The following LAD1 variants were observed in gnomAD, a reference collection of about 807,000 sequenced individuals.
LAD1 encodes ladinin 1, also known as ladinin-1.
A neutral mutation model predicts 54.2 loss-of-function variants in LAD1; 53 were observed. The observed-to-expected ratio is 0.98, with a 90% CI of 0.78 to 1.23. The LOEUF is 1.23. Among genes scored for constraint, LAD1 ranks in the 50% most tolerant of loss-of-function variants. The probability of loss-of-function intolerance (pLI) is 0.00; values close to 1 mark genes in which losing one functional copy is unlikely to be tolerated. For synonymous variants in LAD1, 231 were observed against 257.7 expected (o/e 0.90, Z 0.99); for missense variants, 637 against 653.3 (o/e 0.98, Z 0.27).
At chr1:201,383,474 ATC>A (rs1662010757) in intron 5 of LAD1, 85 bp from the exon 6 acceptor site, 2 of 1,228,202 alleles carry the variant, frequency 1.6e-6, no homozygotes, top group East Asian at 4.6e-5. Context: ...GAGCAGCCCC[ATC>A]ACACGTTCTC....
chr1:201,387,066 G>A lies in LAD1; in HGVS notation c.295C>T (p.Arg99Trp), dbSNP rs781678996. ...GCCTGTGCAGCCTCCACCACCTGCC[G>A]CCTCTGCCTCCGCTCCTGCCGTGTT... is the stretch of plus-strand genomic sequence containing the variant. ...LRTRQERRQR[R>W]QVVEAAQAPI... Residue 99 changes from arginine (R) to tryptophan (W), a missense_variant, in exon 3 of 10, where the codon CGG becomes TGG. Arg to Trp is a moderately radical substitution (Grantham distance 101). Transcript: ENST00000391967. 66 of 1,611,566 alleles carry A rather than the reference G, an allele frequency of 4.1e-5. No homozygotes were observed. Among genetic ancestry groups the A allele is most frequent in the South Asian group, 8.8e-5 (8 of 90,606 alleles).
At position 201,391,288 on chromosome 1, in the gene LAD1, T is replaced by TGGGGC; in HGVS notation, c.39-1990_39-1986dup. ...TCCTGCCCCAGTCACCCTTCATTCA[T>TGGGGC]GGGGCCAAGCAGGCATTCTACAGCC... On this transcript the variant is annotated intron_variant, in intron 1 of 9. Transcript: ENST00000391967. The TGGGGC allele has an allele frequency of 2.3e-5, 9 of 389,190 alleles. 1 individual carries two copies. The highest frequency in any genetic ancestry group is 1.7e-4 in the South Asian group (9 of 52,612). 24.1% of individuals were successfully genotyped at this position (389,190 alleles called of 1,614,324 possible). A position where few individuals can be genotyped will look rare whatever the true frequency, so the allele number is the denominator to read the frequency against.
chr1:201,396,747 T>C (rs1052446793), intron 1 of LAD1, among the ~76,000 whole-genome samples: 3 of 152,158 alleles, frequency 2.0e-5, no homozygotes, highest in African/African-American at 4.8e-5. Context: ...CTCCTGCACC[T>C]GAGCAGGGCA....
intron 9 of LAD1, 47 bp downstream of exon 9, chr1:201,382,205 A>G: frequency 1.4e-6 from 2 of 1,467,684 alleles, no homozygotes; most frequent in Non-Finnish European, 1.9e-6. Flanking sequence ...CTCCCACAGT[A>G]CACCGTGGCC....
chr1:201,384,795 C>CGA lies in LAD1; in HGVS notation c.1170_1171dup (p.Arg391LeufsTer6). The CGA allele has an allele frequency of 6.2e-7, 1 of 1,614,078 alleles. No homozygotes were observed. The highest frequency in any genetic ancestry group is 8.5e-7 in the Non-Finnish European group (1 of 1,180,004). On this transcript the variant is annotated frameshift_variant, in exon 5 of 10. Transcript: ENST00000391967. LOFTEE classifies it high-confidence loss of function. ...CCAGAGCCTCCAGGCCCCCCACCTG[C>CGA]GAGTTAGGGTTGTTTCCGAGTTTTC...
At position 201,389,315 on chromosome 1, in the gene LAD1, G is replaced by A. The variant is rs1029674052; in HGVS notation, c.39-12C>T. ...TCTGCCGGGCAAGGCTGGGGGAGGG[G>A]AGGAGAGGGTCAGCACAGCTGGGGA... On this transcript the variant is annotated splice_polypyrimidine_tract_variant and intron_variant, in intron 1 of 9. Transcript: ENST00000391967. The A allele has an allele frequency of 1.2e-6, 2 of 1,609,008 alleles. No homozygotes were observed. The highest frequency in any genetic ancestry group is 2.7e-5 in the African/African-American group (2 of 74,890).
At chr1:201,382,437 G>C in intron 8 of LAD1, 111 bp from the exon 9 acceptor site, 2 of 952,742 alleles carry the variant, frequency 2.1e-6, no homozygotes, top group Non-Finnish European at 3.3e-6. Context: ...TCCCAAAAGA[G>C]AAAAGGAACC....
At chr1:201,391,341 T>A (rs181104503) in intron 1 of LAD1, 3 of 359,060 alleles carry the variant, frequency 8.4e-6, no homozygotes, top group African/African-American at 6.4e-5. Flanking sequence ...AGTCTATCCA[T>A]CTACTACTCG....
Position 201,389,248 on chromosome 1 carries a change from G to T in LAD1, c.94C>A (p.Arg32=). The T allele has an allele frequency of 6.2e-7, 1 of 1,614,056 alleles. No individual in the cohort carries two copies. The change falls in exon 2 of 10, where the codon CGG becomes AGG. Residue 32 remains arginine, a synonymous_variant. Transcript: ENST00000391967. ...GTGGAGCTCAGGTTGCGGTGCCGCC[G>T]CCTGCGCTCGCGCTCCTGTTCCTCC... is the stretch of plus-strand genomic sequence containing the variant. ...DEEEQERERR[R]RHRNLSSTTD...
intron 2 of LAD1, among the ~76,000 whole-genome samples, chr1:201,388,615 G>A (rs553620002): frequency 6.4e-4 from 97 of 151,796 alleles, no homozygotes; most frequent in Non-Finnish European, 1.1e-3. Context: ...CCTAGGAGGC[G>A]GAGCTTGCAG....
rs376916471 is a variant in LAD1 at position 201,389,291 on chromosome 1, C to T, written c.51G>A (p.Gln17=). ...DWSALSSLAR[Q]RTLEDEEEQE... Reference sequence around the variant, plus strand: ...GTTCCTCCTCATCCTCCAGAGTCCTCTGCCGGGCAAGGCTGGGGGAGGGGA... The same window carrying T: ...GTTCCTCCTCATCCTCCAGAGTCCTTTGCCGGGCAAGGCTGGGGGAGGGGA... The change falls in exon 2 of 10, where the codon CAG becomes CAA. Residue 17 remains glutamine (Q), a synonymous_variant. Transcript: ENST00000391967. 3 of 1,612,890 alleles carry T rather than the reference C, an allele frequency of 1.9e-6. No homozygotes were observed. In the African/African-American group the frequency reaches 4.0e-5, roughly 22 times the overall value.
rs1278813361 is a variant in LAD1, at chr1:201,381,468, G to A, written c.*420C>T. On this transcript the variant is annotated 3_prime_UTR_variant, in exon 10 of 10. Transcript: ENST00000391967. Reference sequence around the variant, plus strand: ...GGGTGGGTCCAGGCCTCAGAGAAGGGGGACATCATAGACAAAGAGGCACTT... The same window carrying A: ...GGGTGGGTCCAGGCCTCAGAGAAGGAGGACATCATAGACAAAGAGGCACTT... 7.4e-6 allele frequency: 2 copies of A among 271,502 alleles called. No homozygotes were observed. The highest frequency in any genetic ancestry group is 2.3e-5 in the African/African-American group (1 of 43,388). 16.8% of individuals were successfully genotyped at this position (271,502 alleles called of 1,614,324 possible).
intron 1 of LAD1, among the ~76,000 whole-genome samples, chr1:201,391,888 C>A (rs559885700): frequency 1.3e-5 from 2 of 152,162 alleles, no homozygotes; most frequent in Non-Finnish European, 2.9e-5. Flanking sequence ...CTCTGTGGTT[C>A]CCCCTGCATT....
chr1:201,398,200 G>A (rs991950201), intron 1 of LAD1, among the ~76,000 whole-genome samples: 4 of 152,210 alleles, frequency 2.6e-5, no homozygotes, highest in Non-Finnish European at 2.9e-5. Context: ...GAGCGGGGTA[G>A]AGGACATACT....
chr1:201,395,466 A>C (rs1301631220), intron 1 of LAD1, among the ~76,000 whole-genome samples: 2 of 152,162 alleles, frequency 1.3e-5, no homozygotes, highest in African/African-American at 2.4e-5. Flanking sequence ...TCATCTTTAC[A>C]ACAGCCACTG....
At chr1:201,382,564 C>A in intron 8 of LAD1, 89 bp downstream of exon 8, 1 of 1,120,764 alleles carries the variant, frequency 8.9e-7, no homozygotes, top group Non-Finnish European at 1.3e-6. Flanking sequence ...CCCGAAATGA[C>A]TCCTCCTCTC....
chr1:201,392,796 A>G (rs1354123632), intron 1 of LAD1, among the ~76,000 whole-genome samples: 2 of 152,072 alleles, frequency 1.3e-5, no homozygotes, highest in African/African-American at 4.8e-5. Context: ...GTATGAAAAA[A>G]AAAAACATTG....
At position 201,399,323 on chromosome 1, in the gene LAD1, G is replaced by T; in HGVS notation, c.-17C>A. 1 of 1,530,440 alleles carries T rather than the reference G, an allele frequency of 6.5e-7. No individual in the cohort carries two copies. Among genetic ancestry groups the T allele is most frequent in the Non-Finnish European group, 8.8e-7 (1 of 1,140,754 alleles). 94.8% of individuals were successfully genotyped at this position (1,530,440 alleles called of 1,614,324 possible). ...GACAGCCATGCTGCAGGAGCCCCGC[G>T]TGGCCGCCCGCGCCCCGCCGGCCGC... On this transcript the variant is annotated 5_prime_UTR_variant, in exon 1 of 10. Coordinates refer to ENST00000391967, the MANE Select transcript of LAD1 (RefSeq NM_005558.4).
intron 1 of LAD1, 114 bp downstream of exon 1, chr1:201,399,155 G>A (rs1662359517): frequency 1.1e-6 from 1 of 918,974 alleles, no homozygotes; most frequent in African/African-American, 1.6e-5. Context: ...GCAAGACCAG[G>A]ATCCAGCCTC....
Sources: gnomAD v4.1 joint callset for allele counts (sites outside exome capture counted in the v4.1 genomes callset) on GRCh38, gnomAD v4.1.1 for gene constraint, MANE v1.5 for transcripts, NCBI Gene and HGNC (gene_info 2026-07-23, HGNC 2026-07-21) for gene names.